DOCK3: variants seen among roughly 807,000 people sequenced by gnomAD.
The protein encoded by DOCK3 is dedicator of cytokinesis 3, also known as dedicator of cytokinesis protein 3.
In DOCK3, 60 loss-of-function variants were observed where a neutral mutation model predicts 265.6. The observed-to-expected ratio is 0.23, with a 90% confidence interval of 0.18 to 0.28. DOCK3 has a LOEUF of 0.28. DOCK3 is among the 10% of genes least tolerant of loss of function. The pLI is 1.00. For missense variants in DOCK3, 1,981 were observed against 2,594.3 expected, an observed-to-expected ratio of 0.76 and a Z score of 5.14; for synonymous variants, 881 against 938.0, an observed-to-expected ratio of 0.94 and a Z score of 1.11.
chr3:51,128,778 G>A (rs1203294314), intron 9 of DOCK3, among the ~76,000 whole-genome samples: 2 of 152,188 alleles, frequency 1.3e-5, no homozygotes, highest in African/African-American at 2.4e-5. Flanking sequence ...AGCAATGGCC[G>A]TAGCCAGGTC....
intron 4 of DOCK3, among the ~76,000 whole-genome samples, chr3:50,906,054 C>A (rs776606300): frequency 3.3e-4 from 50 of 151,958 alleles, no homozygotes; most frequent in Non-Finnish European, 5.9e-4. Flanking sequence ...TGTTTATATG[C>A]TGGATTACGT....
At chr3:50,872,766 C>G (rs1310315556) in intron 3 of DOCK3, among the ~76,000 whole-genome samples, 5 of 152,206 alleles carry the variant, frequency 3.3e-5, no homozygotes, top group Non-Finnish European at 5.9e-5. Flanking sequence ...CACCATCCTT[C>G]CCCTTCTTTC....
In DOCK3 at chr3:50,727,106, AC is replaced by A. The variant is rs1251968046; in HGVS notation, c.38-51568del. Among the ~76,000 whole-genome samples, 5 of 152,316 alleles carry A rather than the reference AC, an allele frequency of 3.3e-5. 2 individuals carry two copies. The highest frequency in any genetic ancestry group is 1.2e-4 in the African/African-American group (5 of 41,580). On this transcript the variant is annotated intron_variant, in intron 1 of 52. Coordinates refer to ENST00000266037, the MANE Select transcript of DOCK3 (RefSeq NM_004947.5). The stretch of plus-strand genomic sequence containing the variant: ...ATGGGACTGTTAGAACCAATAGAAA[AC>A]AAATATCAAGATTGTAGACTTAGGC...
chr3:51,050,186 C>A (rs372674090), intron 5 of DOCK3, among the ~76,000 whole-genome samples: 1 of 152,164 alleles, frequency 6.6e-6, no homozygotes, highest in African/African-American at 2.4e-5. Context: ...GAGTTTGAGA[C>A]CAGCCTGGGA....
In DOCK3 at chr3:50,973,110, C is replaced by CT. The variant is rs528993761; in HGVS notation, c.315+39045dup. Reference sequence around the variant, plus strand: ...CTTTTATTTTTGCAGACTTAAATTTCTTTTTTTTTTTTGTAGTTTTCTTTT... The same window carrying CT: ...CTTTTATTTTTGCAGACTTAAATTTCTTTTTTTTTTTTTGTAGTTTTCTTTT... On this transcript the variant is annotated intron_variant, in intron 5 of 52. Coordinates refer to ENST00000266037, the MANE Select transcript of DOCK3 (RefSeq NM_004947.5). 1.0e-2 allele frequency among the ~76,000 whole-genome samples: 282 copies of CT among 28,282 alleles called. 5 individuals are homozygous for CT. Among genetic ancestry groups the CT allele is most frequent in the South Asian group, 0.079 (67 of 850 alleles). 18.6% of individuals were successfully genotyped at this position (28,282 alleles called of 152,430 possible).
intron 2 of DOCK3, among the ~76,000 whole-genome samples, chr3:50,823,612 A>G (rs1576551218): frequency 6.6e-6 from 1 of 152,030 alleles, no homozygotes; most frequent in Non-Finnish European, 1.5e-5. Context: ...ATCTTTTCCC[A>G]CCTTTCCCCC....
chr3:51,244,498 A>G (rs2078740234), intron 21 of DOCK3, among the ~76,000 whole-genome samples: 1 of 152,184 alleles, frequency 6.6e-6, no homozygotes. Context: ...TTTTTAGCAT[A>G]TAGAAATGCA....
At chr3:51,214,316 C>T in intron 14 of DOCK3, 69 bp downstream of exon 14, 4 of 1,583,790 alleles carry the variant, frequency 2.5e-6, no homozygotes, top group Non-Finnish European at 3.4e-6. Context: ...CCCTCCTGAG[C>T]AGGTGGTGAA....
chr3:50,730,326 A>G (rs1481647179), intron 1 of DOCK3, among the ~76,000 whole-genome samples: 2 of 151,944 alleles, frequency 1.3e-5, no homozygotes, highest in Admixed American at 1.3e-4. Context: ...TATTTTTAGT[A>G]GAGATGGGGT....
chr3:50,873,056 C>G (rs943175649), intron 3 of DOCK3, among the ~76,000 whole-genome samples: 1 of 152,172 alleles, frequency 6.6e-6, no homozygotes, highest in Non-Finnish European at 1.5e-5. Context: ...TCCTAAGGTG[C>G]AAGAGAAAGC....
At position 51,246,782 on chromosome 3, in the gene DOCK3, A is replaced by G; in HGVS notation, c.2159A>G (p.Gln720Arg). ...YMDCSAELIR[Q>R]DHIQEAMRAL... is the part of the protein sequence containing the mutation. ...GACTGCTCAGCAGAACTGATTCGACAGGACCACATTCAAGAAGCTATGCGG... is the reference window on the plus strand; with the variant it reads ...GACTGCTCAGCAGAACTGATTCGACGGGACCACATTCAAGAAGCTATGCGG... The change falls in exon 22 of 53, where the codon CAG becomes CGG. Residue 720 changes from glutamine to arginine, a missense_variant. This residue lies in a region of DOCK3 where 1,357 missense variants were observed against 1,866.8 expected (regional missense o/e 0.73). Transcript: ENST00000266037. The G allele has an allele frequency of 1.2e-6, 2 of 1,613,560 alleles. No individual in the cohort carries two copies. The highest frequency in any genetic ancestry group is 1.7e-6 in the Non-Finnish European group (2 of 1,179,724).
intron 5 of DOCK3, among the ~76,000 whole-genome samples, chr3:50,946,720 GC>G (rs1204143745): frequency 2.0e-5 from 3 of 152,186 alleles, no homozygotes; most frequent in Non-Finnish European, 1.5e-5. Flanking sequence ...TTTGCTTGTA[GC>G]AGACTGCATT....
intron 23 of DOCK3, among the ~76,000 whole-genome samples, chr3:51,269,139 A>C (rs552822876): frequency 0.011 from 1,587 of 147,162 alleles, 15 homozygotes; most frequent in Admixed American, 0.019. Context: ...CTCTCTCTCT[A>C]TATATATATA....
chr3:51,338,928 A>T lies in DOCK3; in HGVS notation c.3673-7A>T, dbSNP rs779629047. ...AGTTGACAGGTGTTTCCTTCTCTTT[A>T]TTGTAGAATTTTTACAAATCTGAGA... On this transcript the variant is annotated splice_region_variant and splice_polypyrimidine_tract_variant and intron_variant, in intron 36 of 52. Coordinates refer to ENST00000266037, the MANE Select transcript of DOCK3 (RefSeq NM_004947.5). The T allele has an allele frequency of 6.3e-7, 1 of 1,594,520 alleles. No individual in the cohort carries two copies.
chr3:50,923,641 A>G (rs2050618451), intron 4 of DOCK3, among the ~76,000 whole-genome samples: 1 of 152,226 alleles, frequency 6.6e-6, no homozygotes, highest in South Asian at 2.1e-4. Context: ...TTAAATTTAT[A>G]AATATATACA....
intron 4 of DOCK3, among the ~76,000 whole-genome samples, chr3:50,914,327 G>A (rs34307982): frequency 0.095 from 14,356 of 151,592 alleles, 850 homozygotes; most frequent in Non-Finnish European, 0.12. Context: ...TTTTATATTG[G>A]CATTGATTTC....
In DOCK3 at chr3:51,280,155, C is replaced by T; in HGVS notation, c.2873C>T (p.Thr958Ile). 6.2e-7 allele frequency: 1 copy of T among 1,613,874 alleles called. No individual in the cohort carries two copies. ...TCACTGCTCCGCCAGATGTGTGACA[C>T]CCATTTCCAGCACCTCCTGGACAAC... ...LLSLLRQMCD[T>I]HFQHLLDNFQ... The change falls in exon 27 of 53, where the codon ACC (threonine) becomes ATC (isoleucine). Residue 958 changes from threonine to isoleucine, a missense_variant. This residue lies in a region of DOCK3 where 1,357 missense variants were observed against 1,866.8 expected (regional missense o/e 0.73). Coordinates refer to ENST00000266037, the MANE Select transcript of DOCK3 (RefSeq NM_004947.5).
At chr3:51,214,713 A>G (rs897103494) in intron 14 of DOCK3, among the ~76,000 whole-genome samples, 26 of 152,212 alleles carry the variant, frequency 1.7e-4, no homozygotes, top group Non-Finnish European at 8.8e-5. Flanking sequence ...ATGTATCAGA[A>G]AAATAGATCA....
intron 49 of DOCK3, among the ~76,000 whole-genome samples, chr3:51,371,521 A>C (rs1347699398): frequency 6.6e-6 from 1 of 152,232 alleles, no homozygotes; most frequent in African/African-American, 2.4e-5. Context: ...CATCATAGAG[A>C]AAGACTGATA....
Sources: allele counts gnomAD v4.1 joint callset (sites outside exome capture counted in the v4.1 genomes callset), GRCh38; gene constraint gnomAD v4.1.1; regional missense constraint gnomAD v4.1.1; transcripts MANE v1.5; gene names NCBI Gene and HGNC (gene_info 2026-07-23, HGNC 2026-07-21).